PRR16: variants seen among roughly 807,000 people sequenced by gnomAD.
The protein encoded by PRR16 is protein Largen.
PRR16 carries 6 observed loss-of-function variants against 18.2 expected under a neutral mutation model. The ratio of observed to expected loss-of-function variants is 0.33; its 90% CI spans 0.18 to 0.65. The LOEUF (loss-of-function observed/expected upper bound fraction) is 0.65. Among genes scored for constraint, PRR16 ranks in the 30% least tolerant of loss-of-function variants. The pLI is 0.74. For missense variants in PRR16, 412 were observed against 376.6 expected (o/e 1.09, Z -0.78); for synonymous variants, 151 against 147.8 (o/e 1.02, Z -0.16).
intron 1 of PRR16, among the ~76,000 whole-genome samples, chr5:120,505,867 C>A (rs542884911): frequency 6.6e-6 from 1 of 151,112 alleles, no homozygotes; most frequent in Non-Finnish European, 1.5e-5. Flanking sequence ...TATACACACA[C>A]GCGTATACAT....
At chr5:120,755,598 T>G in the PRR16 span, among the ~76,000 whole-genome samples, 1 of 152,194 alleles carries the variant, frequency 6.6e-6, no homozygotes, top group East Asian at 1.9e-4. Flanking sequence ...TTCTGTGGTG[T>G]ATATGTACCA....
the PRR16 span, among the ~76,000 whole-genome samples, chr5:120,728,785 T>C: frequency 4.7e-3 from 715 of 152,294 alleles, 7 homozygotes; most frequent in African/African-American, 0.016. Flanking sequence ...CTTATTCTTA[T>C]AGCAGCCACA....
Position 120,464,352 on chromosome 5 carries a change from A to G in PRR16, c.-135A>G, listed in dbSNP as rs1749005815. ...GCCCGGCCGAGCGCGGAGCGCAGCC[A>G]CTCGCCGCTGCCCAGGGAGCGCCCA... is the stretch of plus-strand genomic sequence containing the variant. On this transcript the variant is annotated 5_prime_UTR_variant, in exon 1 of 2. Coordinates refer to ENST00000407149, the MANE Select transcript of PRR16 (RefSeq NM_001300783.2). 1.0e-6 allele frequency: 1 copy of G among 968,212 alleles called. No individual in the cohort carries two copies. The highest frequency in any genetic ancestry group is 1.4e-6 in the Non-Finnish European group (1 of 713,874). 60.0% of individuals were successfully genotyped at this position (968,212 alleles called of 1,614,324 possible). A position where few individuals can be genotyped will look rare whatever the true frequency, so the allele number is the denominator to read the frequency against.
intron 1 of PRR16, among the ~76,000 whole-genome samples, chr5:120,471,946 A>T (rs971012627): frequency 4.6e-5 from 7 of 152,148 alleles, no homozygotes; most frequent in Non-Finnish European, 8.8e-5. Context: ...TTTATTTAGA[A>T]TGGAAAGACA....
chr5:120,590,966 T>C (rs930402777), intron 1 of PRR16, among the ~76,000 whole-genome samples: 1 of 152,120 alleles, frequency 6.6e-6, no homozygotes, highest in African/African-American at 2.4e-5. Context: ...TATTCCAAAC[T>C]GTTCTAATTC....
chr5:120,584,326 A>G (rs2112761308), intron 1 of PRR16, among the ~76,000 whole-genome samples: 1 of 152,332 alleles, frequency 6.6e-6, no homozygotes, highest in East Asian at 1.9e-4. Flanking sequence ...AAAAGAGGAC[A>G]TCAAAAATTA....
rs574821860 is a variant in PRR16 at position 120,670,486 on chromosome 5, C to T, written c.160-15468C>T. ...TTATTTTTATAAAATATCTCTGCAT[C>T]CCCATGACAGTGAGAGCAAATGGTT... On this transcript the variant is annotated intron_variant, in intron 1 of 1. Transcript: ENST00000407149. Among the ~76,000 whole-genome samples the T allele has an allele frequency of 2.6e-5, 4 of 152,188 alleles. No individual in the cohort carries two copies. The South Asian group carries it at 8.3e-4, about 32-fold the overall frequency.
rs112090453 is a variant in PRR16, at chr5:120,569,469, A to G, written c.159+104824A>G. 8.9e-3 allele frequency among the ~76,000 whole-genome samples: 1,351 copies of G among 152,264 alleles called. 14 individuals are homozygous for G. Among genetic ancestry groups the G allele is most frequent in the Non-Finnish European group, 0.014 (921 of 68,020 alleles). On this transcript the variant is annotated intron_variant, in intron 1 of 1. Transcript: ENST00000407149. ...GAGTGAGAATTTGGCTACCACATGT[A>G]ATACGCACAGATGCAGTGTGTTTAT...
chr5:120,517,456 T>TA (rs1170274991), intron 1 of PRR16, among the ~76,000 whole-genome samples: 2 of 152,066 alleles, frequency 1.3e-5, no homozygotes, highest in Non-Finnish European at 2.9e-5. Flanking sequence ...TATGTTTTTT[T>TA]AAAAAACCTT....
chr5:120,497,509 C>T (rs1052179624), intron 1 of PRR16, among the ~76,000 whole-genome samples: 8 of 150,900 alleles, frequency 5.3e-5, no homozygotes, highest in African/African-American at 1.7e-4. Context: ...CCTGCCTCAG[C>T]CTCCCAAGTA....
At chr5:120,509,893 GT>G (rs1051773549) in intron 1 of PRR16, among the ~76,000 whole-genome samples, 26 of 151,928 alleles carry the variant, frequency 1.7e-4, no homozygotes, top group African/African-American at 6.3e-4. Context: ...AGGTCTTCAA[GT>G]TTTTTTTCTG....
chr5:120,592,560 G>C (rs959704639), intron 1 of PRR16, among the ~76,000 whole-genome samples: 1 of 152,092 alleles, frequency 6.6e-6, no homozygotes, highest in African/African-American at 2.4e-5. Flanking sequence ...ATAATCTTTT[G>C]TGGTGGTTTA....
intron 1 of PRR16, among the ~76,000 whole-genome samples, chr5:120,484,132 T>A (rs1385603503): frequency 1.3e-5 from 2 of 151,802 alleles, no homozygotes; most frequent in Non-Finnish European, 2.9e-5. Flanking sequence ...TATTGTTTAA[T>A]AGAAGAAAAT....
chr5:120,785,340 A>G, the PRR16 span, among the ~76,000 whole-genome samples: 4 of 152,244 alleles, frequency 2.6e-5, no homozygotes, highest in Admixed American at 6.5e-5. Flanking sequence ...ATAACAGCCC[A>G]TAAGCAAAGA....
the PRR16 span, among the ~76,000 whole-genome samples, chr5:120,705,309 C>G: frequency 6.6e-6 from 1 of 151,872 alleles, no homozygotes. Flanking sequence ...ATAAAATATC[C>G]CAACATTGCC....
At chr5:120,557,018 A>G (rs1304158562) in intron 1 of PRR16, among the ~76,000 whole-genome samples, 2 of 151,984 alleles carry the variant, frequency 1.3e-5, no homozygotes, top group African/African-American at 2.4e-5. Context: ...CTACTACATT[A>G]TAGAATAGCC....
At chr5:120,542,217 G>A (rs1236844313) in intron 1 of PRR16, among the ~76,000 whole-genome samples, 1 of 151,892 alleles carries the variant, frequency 6.6e-6, no homozygotes, top group African/African-American at 2.4e-5. Context: ...TGCTGGAGTA[G>A]CTTTTTGAAA....
chr5:120,509,523 A>T (rs921206418), intron 1 of PRR16, among the ~76,000 whole-genome samples: 9 of 152,074 alleles, frequency 5.9e-5, no homozygotes, highest in African/African-American at 2.2e-4. Flanking sequence ...TCCTCCACTG[A>T]GAATTTATCT....
chr5:120,584,063 T>A (rs185716068), intron 1 of PRR16, among the ~76,000 whole-genome samples: 111 of 152,118 alleles, frequency 7.3e-4, no homozygotes, highest in African/African-American at 2.7e-3. Context: ...GGAAATGCCA[T>A]GATAAAAGGT....
Sources: gnomAD v4.1 joint callset for allele counts (sites outside exome capture counted in the v4.1 genomes callset) on GRCh38, gnomAD v4.1.1 for gene constraint, MANE v1.5 for transcripts, NCBI Gene and HGNC (gene_info 2026-07-23, HGNC 2026-07-21) for gene names.